Variants in PRKAG2 observed in about 807,000 individuals in gnomAD.
PRKAG2 encodes protein kinase AMP-activated non-catalytic subunit gamma 2.
PRKAG2 carries 26 observed loss-of-function variants against 69.6 expected under a neutral mutation model. The observed-to-expected ratio is 0.37, with a 90% CI of 0.27 to 0.52. The LOEUF (loss-of-function observed/expected upper bound fraction) is 0.52, where lower values mean the gene tolerates loss of function less well. Ranked by LOEUF, PRKAG2 falls within the 20% of genes least tolerant of loss-of-function variation. The probability of loss-of-function intolerance (pLI) is 0.90; values close to 1 mark genes in which losing one functional copy is unlikely to be tolerated. For missense variants in PRKAG2, 557 were observed against 740.0 expected (o/e 0.75, Z 2.87); for synonymous variants, 293 against 285.0 (o/e 1.03, Z -0.28).
intron 3 of PRKAG2, among the ~76,000 whole-genome samples, chr7:151,742,632 AAAAAAAAT>A (rs1230349706): frequency 1.3e-5 from 2 of 150,222 alleles, no homozygotes; most frequent in Non-Finnish European, 3.0e-5. Flanking sequence ...TCACAAAAAA[AAAAAAAAT>A]AAAATAAAAT....
In PRKAG2 at chr7:151,876,704, G is replaced by A; in HGVS notation, c.-84C>T. The A allele has an allele frequency of 7.5e-7, 1 of 1,331,498 alleles. No individual in the cohort carries two copies. Among genetic ancestry groups the A allele is most frequent in the Non-Finnish European group, 1.1e-6 (1 of 948,264 alleles). The allele number at this position is 1,331,498 out of a possible 1,614,324, so 82.5% of individuals were successfully genotyped here. ...TCCCCCGGCCGCTGCCTTCGGACTG[G>A]AGCCGCGCGCTCTGTTACACCCTGA... On this transcript the variant is annotated 5_prime_UTR_variant, in exon 1 of 16. Transcript: ENST00000287878.
At chr7:151,776,181 T>C (rs377027092) in intron 3 of PRKAG2, among the ~76,000 whole-genome samples, 13 of 152,184 alleles carry the variant, frequency 8.5e-5, no homozygotes, top group Non-Finnish European at 1.2e-4. Context: ...GCAATTGCCC[T>C]GGGGACCAGG....
intron 6 of PRKAG2, among the ~76,000 whole-genome samples, chr7:151,579,545 T>C (rs1473391531): frequency 6.6e-6 from 1 of 152,084 alleles, no homozygotes; most frequent in Admixed American, 6.6e-5. Flanking sequence ...TTGAGGGCCC[T>C]GGAGTGCATC....
At chr7:151,700,810 C>A (rs764891617) in intron 3 of PRKAG2, among the ~76,000 whole-genome samples, 2 of 152,190 alleles carry the variant, frequency 1.3e-5, no homozygotes, top group African/African-American at 2.4e-5. Context: ...CCCCTCCACA[C>A]GGGGGGAGCC....
intron 3 of PRKAG2, among the ~76,000 whole-genome samples, chr7:151,705,838 CCTT>C (rs1269860944): frequency 2.0e-5 from 3 of 151,972 alleles, no homozygotes; most frequent in African/African-American, 7.3e-5. Context: ...CATAAGTGGC[CCTT>C]CTTAGCCGAT....
At chr7:151,731,828 C>A (rs1286172308) in intron 3 of PRKAG2, among the ~76,000 whole-genome samples, 1 of 152,076 alleles carries the variant, frequency 6.6e-6, no homozygotes, top group Non-Finnish European at 1.5e-5. Context: ...GGAGAAGAGG[C>A]CTCATCTAAG....
chr7:151,832,764 C>T (rs1011149292), intron 1 of PRKAG2, among the ~76,000 whole-genome samples: 2 of 152,150 alleles, frequency 1.3e-5, no homozygotes, highest in African/African-American at 4.8e-5. Context: ...ACCTCTGAGG[C>T]CCATCCTCAG....
At position 151,565,817 on chromosome 7, in the gene PRKAG2, G is replaced by A. The variant is rs1806117162; in HGVS notation, c.1302C>T (p.His434=). 6.2e-7 allele frequency: 1 copy of A among 1,612,384 alleles called. No homozygotes were observed. The highest frequency in any genetic ancestry group is 8.5e-7 in the Non-Finnish European group (1 of 1,178,378). ...NLDELGIGTY[H]NIAFIHPDTP... Reference sequence around the variant, plus strand: ...TGTCTGGATGTATGAAGGCAATGTTGTGGTACGTTCCTATTCCAAGCTCAT... The same window carrying A: ...TGTCTGGATGTATGAAGGCAATGTTATGGTACGTTCCTATTCCAAGCTCAT... Residue 434 remains histidine (H), a synonymous_variant, in exon 12 of 16, where the codon CAC becomes CAT. Coordinates refer to ENST00000287878, the MANE Select transcript of PRKAG2 (RefSeq NM_016203.4).
At position 151,755,150 on chromosome 7, in the gene PRKAG2, C is replaced by T. The variant is rs1379143037; in HGVS notation, c.466+26002G>A. The stretch of plus-strand genomic sequence containing the variant: ...CATCGGCCGGTTATTGGGCGTAGGC[C>T]GGCTCTGGGAGGGGCTGAAGGCTGG... On this transcript the variant is annotated intron_variant, in intron 3 of 15. Transcript: ENST00000287878. 9.2e-5 allele frequency among the ~76,000 whole-genome samples: 14 copies of T among 152,222 alleles called. No individual in the cohort carries two copies. The East Asian group carries it at 1.9e-3, about 21-fold the overall frequency.
intron 5 of PRKAG2, among the ~76,000 whole-genome samples, chr7:151,599,407 A>G (rs1291595131): frequency 6.6e-6 from 1 of 152,124 alleles, no homozygotes; most frequent in Non-Finnish European, 1.5e-5. Flanking sequence ...TGCCCCCTGC[A>G]TCTTCCACAG....
chr7:151,711,696 G>T (rs2151607832), intron 3 of PRKAG2, among the ~76,000 whole-genome samples: 1 of 152,352 alleles, frequency 6.6e-6, no homozygotes, highest in East Asian at 1.9e-4. Flanking sequence ...GCAACCTGTA[G>T]ATATTTATCA....
intron 1 of PRKAG2, among the ~76,000 whole-genome samples, chr7:151,827,470 C>T (rs545225427): frequency 6.6e-6 from 1 of 152,070 alleles, no homozygotes; most frequent in African/African-American, 2.4e-5. Context: ...AACTCCTGAC[C>T]TCAAGGGATC....
At chr7:151,605,691 G>A (rs2151190412) in intron 5 of PRKAG2, among the ~76,000 whole-genome samples, 1 of 152,288 alleles carries the variant, frequency 6.6e-6, no homozygotes, top group South Asian at 2.1e-4. Flanking sequence ...TGTAATCCCA[G>A]CACTTTGGGA....
rs376853632 is a variant in PRKAG2, at chr7:151,826,328, C to T, written c.115-39787G>A. ...CCCGAGTAGCTGGGATTACAGGCAC[C>T]GACCACCACGCCTGGCTAATTTTTT... is the stretch of plus-strand genomic sequence containing the variant. On this transcript the variant is annotated intron_variant, in intron 1 of 15. Transcript: ENST00000287878. Among the ~76,000 whole-genome samples, 136 of 152,052 alleles carry T rather than the reference C, an allele frequency of 8.9e-4. 1 individual carries two copies. Among genetic ancestry groups the T allele is most frequent in the African/African-American group, 2.9e-3 (119 of 41,496 alleles).
intron 5 of PRKAG2, among the ~76,000 whole-genome samples, chr7:151,598,990 T>TTA (rs1815330846): frequency 6.6e-6 from 1 of 152,050 alleles, no homozygotes; most frequent in South Asian, 2.1e-4. Context: ...TAGCTGGGAT[T>TTA]ACAGGTGCAC....
intron 15 of PRKAG2, chr7:151,559,311 A>T: frequency 2.0e-6 from 2 of 983,750 alleles, no homozygotes; most frequent in South Asian, 9.4e-5. Flanking sequence ...TATTTGGATT[A>T]TTCCCAGTTT....
chr7:151,654,413 C>T (rs1448435035), intron 4 of PRKAG2, among the ~76,000 whole-genome samples: 1 of 152,198 alleles, frequency 6.6e-6, no homozygotes, highest in African/African-American at 2.4e-5. Flanking sequence ...ATCAAGACTA[C>T]CTCTCACAAA....
At chr7:151,801,386 A>G (rs564105030) in intron 1 of PRKAG2, among the ~76,000 whole-genome samples, 2 of 147,054 alleles carry the variant, frequency 1.4e-5, no homozygotes, top group Non-Finnish European at 3.0e-5. Context: ...CTGAGAACCC[A>G]GGTCCCCATC....
chr7:151,570,132 C>A, intron 10 of PRKAG2, 39 bp downstream of exon 10: 1 of 1,578,040 alleles, frequency 6.3e-7, no homozygotes, highest in Non-Finnish European at 8.6e-7. Context: ...ACACATACAT[C>A]TGAATGAATG....
Sources: gnomAD v4.1 joint callset for allele counts (sites outside exome capture counted in the v4.1 genomes callset) on GRCh38, gnomAD v4.1.1 for gene constraint, MANE v1.5 for transcripts, NCBI Gene and HGNC (gene_info 2026-07-23, HGNC 2026-07-21) for gene names.